HPS4: variants seen among roughly 807,000 people sequenced by gnomAD.
The protein encoded by HPS4 is BLOC-3 complex member HPS4.
Under a neutral mutation model 70.3 loss-of-function variants are expected in HPS4, and 44 were observed. The ratio of observed to expected loss-of-function variants is 0.63; its 90% CI spans 0.49 to 0.80. HPS4 has a LOEUF of 0.80. HPS4 is among the 30% of genes least tolerant of loss of function. The probability of loss-of-function intolerance (pLI) is 0.00; values close to 1 mark genes in which losing one functional copy is unlikely to be tolerated. For synonymous variants in HPS4, 377 were observed against 355.9 expected (o/e 1.06, Z -0.67); for missense variants, 873 against 884.4 (o/e 0.99, Z 0.16).
At position 26,463,996 on chromosome 22, in the gene HPS4, G is replaced by A; in HGVS notation, c.1634C>T (p.Thr545Ile). 4 of 1,614,270 alleles carry A rather than the reference G, an allele frequency of 2.5e-6. No homozygotes were observed. The highest frequency in any genetic ancestry group is 3.4e-6 in the Non-Finnish European group (4 of 1,180,054). The part of the protein sequence containing the change: ...CMGLVRMNLY[T>I]HCVKGLVLSL... ...CAGCACCAGCCCTTTGACGCAGTGA[G>A]TGTAGAGATTCATCCTCACGAGCCC... The change falls in exon 11 of 14, where the codon ACT becomes ATT. Residue 545 changes from threonine to isoleucine, a missense_variant. Physicochemically the swap from Thr to Ile is moderately conservative, Grantham distance 89. Transcript: ENST00000398145.
chr22:26,464,069 A>C lies in HPS4; in HGVS notation c.1561T>G (p.Ser521Ala). The C allele has an allele frequency of 6.2e-7, 1 of 1,614,252 alleles. No individual in the cohort carries two copies. Reference protein sequence around the residue: ...GSANCQGAGPSADGISSRLTP... With the variant: ...GSANCQGAGPAADGISSRLTP... ...AGCCTGGAGCTGATTCCATCTGCAGAGGGGCCAGCACCCTGACAGTTTGCT... is the reference window on the plus strand; with the variant it reads ...AGCCTGGAGCTGATTCCATCTGCAGCGGGGCCAGCACCCTGACAGTTTGCT... Residue 521 changes from serine (S) to alanine (A), a missense_variant, in exon 11 of 14, where the codon TCT (serine) becomes GCT (alanine). By Grantham distance (99) the Ser-to-Ala change is moderately conservative. Transcript: ENST00000398145.
Position 26,464,083 on chromosome 22 carries a change from T to C in HPS4, c.1547A>G (p.Gln516Arg), listed in dbSNP as rs1394380369. ...LECSSGSANC[Q>R]GAGPSADGIS... ...TCCATCTGCAGAGGGGCCAGCACCC[T>C]GACAGTTTGCTGAGCCTGAACTGCA... The change falls in exon 11 of 14, where the codon CAG becomes CGG. Residue 516 changes from glutamine (Q) to arginine (R), a missense_variant. Coordinates refer to ENST00000398145, the MANE Select transcript of HPS4 (RefSeq NM_022081.6). 1 of 1,614,282 alleles carries C rather than the reference T, an allele frequency of 6.2e-7. No individual in the cohort carries two copies. Among genetic ancestry groups the C allele is most frequent in the Non-Finnish European group, 8.5e-7 (1 of 1,180,046 alleles).
In HPS4 at chr22:26,470,866, A is replaced by G. The variant is rs1176832791; in HGVS notation, c.502-53T>C. The G allele has an allele frequency of 3.1e-6, 5 of 1,607,774 alleles. No individual in the cohort carries two copies. The African/African-American group carries it at 5.3e-5, about 17-fold the overall frequency. ...ACCCATCAGCATGCTCACAATCAGG[A>G]AGGGAGAAAAGGGGAAAGGGTTGTA... On this transcript the variant is annotated intron_variant, in intron 6 of 13. Transcript: ENST00000398145.
chr22:26,468,264 T>C, intron 8 of HPS4: 1 of 459,978 alleles, frequency 2.2e-6, no homozygotes, highest in Non-Finnish European at 4.0e-6. Flanking sequence ...AACATCTCTT[T>C]GACATAAAGA....
intron 4 of HPS4, among the ~76,000 whole-genome samples, chr22:26,475,086 A>G (rs1158036471): frequency 6.6e-6 from 1 of 152,246 alleles, no homozygotes; most frequent in Non-Finnish European, 1.5e-5. Flanking sequence ...ATATTTACCC[A>G]GGAGAGATGA....
downstream of HPS4, chr22:26,443,851 T>C (rs2084881235): frequency 1.3e-5 from 2 of 152,222 alleles, no homozygotes; most frequent in Admixed American, 1.3e-4. Context: ...TTCTAAACCT[T>C]GTCAGGTCCC....
chr22:26,458,382 C>T, intron 12 of HPS4, 63 bp downstream of exon 12: 1 of 1,598,066 alleles, frequency 6.3e-7, no homozygotes, highest in Non-Finnish European at 8.6e-7. Context: ...GGCTCAAGTT[C>T]TCATCTCCAC....
At chr22:26,461,072 C>G (rs2087158065) in intron 11 of HPS4, among the ~76,000 whole-genome samples, 1 of 152,250 alleles carries the variant, frequency 6.6e-6, no homozygotes, top group African/African-American at 2.4e-5. Context: ...CTAGGCAACA[C>G]AGAGCTGAGG....
intron 2 of HPS4, chr22:26,479,741 C>CAT: frequency 1.0e-6 from 1 of 963,646 alleles, no homozygotes. Flanking sequence ...TAGATGCACT[C>CAT]CTCATAAGTG....
downstream of HPS4, among the ~76,000 whole-genome samples, chr22:26,446,032 T>C (rs886713145): frequency 1.2e-4 from 18 of 152,064 alleles, no homozygotes; most frequent in African/African-American, 4.1e-4. Flanking sequence ...AGAGCGCCAC[T>C]CACCTGGGAT....
rs1432553932 is a variant in HPS4 at position 26,464,542 on chromosome 22, A to G, written c.1088T>C (p.Leu363Pro). ...TTCAGACAAGTCGAGTTCTTCTTGG[A>G]GAAAGACTAGTTCCTTCCCCAGGGA... The part of the protein sequence containing the change: ...SSSLGKELVF[L>P]QEELDLSEIH... The change falls in exon 11 of 14, where the codon CTC becomes CCC. Residue 363 changes from leucine to proline, a missense_variant. Physicochemically the swap from Leu to Pro is moderately conservative, Grantham distance 98. Coordinates refer to ENST00000398145, the MANE Select transcript of HPS4 (RefSeq NM_022081.6). 6.2e-7 allele frequency: 1 copy of G among 1,614,160 alleles called. No homozygotes were observed. The highest frequency in any genetic ancestry group is 1.3e-5 in the African/African-American group (1 of 75,042).
intron 13 of HPS4, among the ~76,000 whole-genome samples, chr22:26,455,755 G>A (rs1261090465): frequency 1.3e-5 from 2 of 149,446 alleles, no homozygotes; most frequent in East Asian, 1.9e-4. Context: ...AAAAAAAAAA[G>A]AAATGGTAGC....
chr22:26,482,770 T>A (rs1165869064), intron 1 of HPS4: 1 of 152,176 alleles, frequency 6.6e-6, no homozygotes, highest in Non-Finnish European at 1.5e-5. Flanking sequence ...CTTTACACCC[T>A]CCAGAGATGC....
chr22:26,479,775 C>T, intron 2 of HPS4: 2 of 746,424 alleles, frequency 2.7e-6, no homozygotes, highest in Non-Finnish European at 3.3e-6. Flanking sequence ...TTTCCAGAAA[C>T]AGCCCTTCTA....
Position 26,464,352 on chromosome 22 carries a change from G to A in HPS4, c.1278C>T (p.Arg426=). ...PPEDTAISSL[R]PPSAPEMLTQ... ...TCAGCATCTCAGGAGCAGAGGGAGG[G>A]CGCAAGCTGCTGATGGCTGTGTCCT... The change falls in exon 11 of 14, where the codon CGC becomes CGT. Residue 426 remains arginine, a synonymous_variant. Coordinates refer to ENST00000398145, the MANE Select transcript of HPS4 (RefSeq NM_022081.6). The A allele has an allele frequency of 1.9e-6, 3 of 1,614,178 alleles. No homozygotes were observed. The highest frequency in any genetic ancestry group is 2.5e-6 in the Non-Finnish European group (3 of 1,180,048).
chr22:26,456,891 G>A (rs76787587), intron 13 of HPS4, among the ~76,000 whole-genome samples: 1,982 of 152,072 alleles, frequency 0.013, 47 homozygotes, highest in African/African-American at 0.044. Flanking sequence ...AAACAAATTC[G>A]GTTGGTTAAA....
chr22:26,447,820 C>A (rs924360923), downstream of HPS4, among the ~76,000 whole-genome samples: 2 of 152,188 alleles, frequency 1.3e-5, no homozygotes, highest in Non-Finnish European at 2.9e-5. Flanking sequence ...CTTTCCCAGG[C>A]ACACACGTTG....
chr22:26,469,339 T>C (rs1038926841), intron 7 of HPS4, among the ~76,000 whole-genome samples: 4 of 150,882 alleles, frequency 2.7e-5, no homozygotes, highest in Non-Finnish European at 4.4e-5. Context: ...CAAGTGCTTG[T>C]TGTTCCAGCT....
At chr22:26,457,483 T>G (rs2086360259) in intron 13 of HPS4, among the ~76,000 whole-genome samples, 1 of 152,296 alleles carries the variant, frequency 6.6e-6, no homozygotes, top group Non-Finnish European at 1.5e-5. Context: ...AGTGCTGAGA[T>G]TACAGGTGTG....
Sources: allele counts gnomAD v4.1 joint callset (sites outside exome capture counted in the v4.1 genomes callset), GRCh38; gene constraint gnomAD v4.1.1; transcripts MANE v1.5; gene names NCBI Gene and HGNC (gene_info 2026-07-23, HGNC 2026-07-21).